The following RRAS2 variants were observed in gnomAD, a reference collection of about 807,000 sequenced individuals.
RRAS2 encodes RAS related 2.
A neutral mutation model predicts 27.6 loss-of-function variants in RRAS2; 7 were observed. That is an observed-to-expected ratio of 0.25 (90% CI 0.14 to 0.48). RRAS2 has a LOEUF of 0.48. RRAS2 is among the 20% of genes least tolerant of loss of function. RRAS2 has a pLI of 0.99. For missense variants in RRAS2, 178 were observed against 256.2 expected, an observed-to-expected ratio of 0.69 and a Z score of 2.08; for synonymous variants, 86 against 90.9, an observed-to-expected ratio of 0.95 and a Z score of 0.31.
chr11:14,360,692 C>T (rs1199956187), upstream of RRAS2, among the ~76,000 whole-genome samples: 1 of 152,250 alleles, frequency 6.6e-6, no homozygotes. Flanking sequence ...AAGGCCAAGG[C>T]GGGCGGATCG....
rs1849152134 is a variant in RRAS2 at position 14,359,136 on chromosome 11, G to A, written c.-266C>T. On this transcript the variant is annotated 5_prime_UTR_variant, in exon 1 of 6. Transcript: ENST00000256196. ...GGGGCGCGCTCCTCTACGCGTCTCC[G>A]CAGCGCCTGCCGAACGCAGCCTCCA... is the stretch of plus-strand genomic sequence containing the variant. The A allele has an allele frequency of 1.9e-6, 2 of 1,033,214 alleles. No individual in the cohort carries two copies. The highest frequency in any genetic ancestry group is 2.3e-6 in the Non-Finnish European group (2 of 861,916). 64.0% of individuals were successfully genotyped at this position (1,033,214 alleles called of 1,614,324 possible).
At chr11:14,301,225 T>C (rs577882539) in intron 1 of RRAS2, among the ~76,000 whole-genome samples, 41 of 152,364 alleles carry the variant, frequency 2.7e-4, no homozygotes, top group African/African-American at 7.7e-4. Flanking sequence ...TTGTAGGTTC[T>C]CTGGACTTTT....
chr11:14,360,396 T>A (rs1285349269), upstream of RRAS2, among the ~76,000 whole-genome samples: 1 of 151,922 alleles, frequency 6.6e-6, no homozygotes, highest in Non-Finnish European at 1.5e-5. Context: ...ATTCCTTTTT[T>A]AAAAATCTTT....
intron 1 of RRAS2, among the ~76,000 whole-genome samples, chr11:14,355,412 C>G (rs1554955314): frequency 2.0e-5 from 3 of 152,144 alleles, no homozygotes; most frequent in Non-Finnish European, 4.4e-5. Context: ...CAGAACTTTA[C>G]ACATTTTTCA....
intron 1 of RRAS2, among the ~76,000 whole-genome samples, chr11:14,302,765 TC>T (rs1554947583): frequency 2.0e-5 from 3 of 152,102 alleles, no homozygotes; most frequent in Non-Finnish European, 4.4e-5. Context: ...AGCCATCCTG[TC>T]CCTAGTCCCA....
Position 14,334,314 on chromosome 11 carries a change from C to T in RRAS2, c.108+24449G>A, listed in dbSNP as rs558908815. 1.2e-4 allele frequency among the ~76,000 whole-genome samples: 19 copies of T among 152,084 alleles called. No individual in the cohort carries two copies. The South Asian group carries it at 3.9e-3, about 32-fold the overall frequency. On this transcript the variant is annotated intron_variant, in intron 1 of 5. Transcript: ENST00000256196. ...GTTTTTTTTTCCTATTCAGTGAGGGCTAACAATTTAAAATGTTTATTGATT... is the reference window on the plus strand; with the variant it reads ...GTTTTTTTTTCCTATTCAGTGAGGGTTAACAATTTAAAATGTTTATTGATT...
chr11:14,362,174 A>G (rs1392231895), upstream of RRAS2, among the ~76,000 whole-genome samples: 1 of 152,220 alleles, frequency 6.6e-6, no homozygotes, highest in Non-Finnish European at 1.5e-5. Context: ...CTGTAAATAT[A>G]CTAAAAACAT....
In RRAS2 at chr11:14,339,733, A is replaced by C. The variant is rs185151416; in HGVS notation, c.108+19030T>G. 3.2e-4 allele frequency among the ~76,000 whole-genome samples: 48 copies of C among 152,332 alleles called. 1 individual carries two copies. In the East Asian group the frequency reaches 8.7e-3, roughly 28 times the overall value. ...TAAAAAGAATTTTTTTAAAAAGTTAAATAATTTTGCTTCTAACATTTTGAT... is the reference window on the plus strand; with the variant it reads ...TAAAAAGAATTTTTTTAAAAAGTTACATAATTTTGCTTCTAACATTTTGAT... On this transcript the variant is annotated intron_variant, in intron 1 of 5. Transcript: ENST00000256196.
intron 4 of RRAS2, among the ~76,000 whole-genome samples, chr11:14,282,126 G>C (rs2133943886): frequency 6.6e-6 from 1 of 152,332 alleles, no homozygotes; most frequent in South Asian, 2.1e-4. Context: ...GTGGGGGTGT[G>C]AAGAAGTATC....
At chr11:14,312,327 T>C (rs7945101) in intron 1 of RRAS2, among the ~76,000 whole-genome samples, 41 of 152,242 alleles carry the variant, frequency 2.7e-4, no homozygotes, top group African/African-American at 9.6e-4. Context: ...TACTATTCAT[T>C]TGACAAATAG....
chr11:14,306,060 C>A (rs1236574825), intron 1 of RRAS2, among the ~76,000 whole-genome samples: 2 of 144,912 alleles, frequency 1.4e-5, no homozygotes, highest in Non-Finnish European at 3.1e-5. Context: ...GCCGCCCCCA[C>A]CCCAACAAAA....
At chr11:14,300,308 T>C (rs985663183) in intron 1 of RRAS2, among the ~76,000 whole-genome samples, 3 of 152,192 alleles carry the variant, frequency 2.0e-5, no homozygotes, top group African/African-American at 4.8e-5. Flanking sequence ...TTCTTTAACA[T>C]TGTCAGGAGA....
At chr11:14,293,453 G>A (rs944266064) in intron 4 of RRAS2, among the ~76,000 whole-genome samples, 5 of 151,988 alleles carry the variant, frequency 3.3e-5, no homozygotes, top group African/African-American at 1.2e-4. Context: ...CATTGATATT[G>A]TTTGGCTGTG....
Position 14,358,584 on chromosome 11 carries a change from G to A in RRAS2, c.108+179C>T, listed in dbSNP as rs1554955811. 1 of 985,370 alleles carries A rather than the reference G, an allele frequency of 1.0e-6. No individual in the cohort carries two copies. The highest frequency in any genetic ancestry group is 1.2e-6 in the Non-Finnish European group (1 of 829,950). The allele number at this position is 985,370 out of a possible 1,614,324, so 61.0% of individuals were successfully genotyped here. On this transcript the variant is annotated intron_variant, in intron 1 of 5. Transcript: ENST00000256196. This position sits in a 1 kb window ranked among gnomAD's most constrained non-coding sequence, Gnocchi z 5.1. ...ACGCCGCGCCCGGGAGGAGGCAGGA[G>A]CGCGACGCTGCGGCCGCAGGGCAGG...
At chr11:14,330,662 T>A (rs201696577) in intron 1 of RRAS2, among the ~76,000 whole-genome samples, 41 of 131,978 alleles carry the variant, frequency 3.1e-4, no homozygotes, top group East Asian at 4.6e-4. Context: ...TTAAAAAAAA[T>A]TTTTTTTTCA....
intron 1 of RRAS2, among the ~76,000 whole-genome samples, chr11:14,353,693 CAA>C (rs1849014087): frequency 6.6e-6 from 1 of 151,164 alleles, no homozygotes; most frequent in African/African-American, 2.4e-5. Flanking sequence ...GAGACAGACA[CAA>C]AGAGAAAGAG....
In RRAS2 at chr11:14,293,124, AATATATATATATATATATAT is replaced by A. The variant is rs781860601; in HGVS notation, c.408+1327_408+1346del. 7.2e-3 allele frequency among the ~76,000 whole-genome samples: 556 copies of A among 76,802 alleles called. 27 individuals carry two copies. Among genetic ancestry groups the A allele is most frequent in the African/African-American group, 0.032 (517 of 16,006 alleles). 50.4% of individuals were successfully genotyped at this position (76,802 alleles called of 152,430 possible). On this transcript the variant is annotated intron_variant, in intron 4 of 5. Transcript: ENST00000256196. ...CTCCGTCTCAAAACAAAACAAAACA[AATATATATATATATATATAT>A]ATATATATATATATATATCATTTTC...
At chr11:14,350,475 G>A (rs1197427759) in intron 1 of RRAS2, among the ~76,000 whole-genome samples, 3 of 152,032 alleles carry the variant, frequency 2.0e-5, no homozygotes, top group Non-Finnish European at 2.9e-5. Flanking sequence ...GTCATGAATG[G>A]AAGCTTCCTT....
At chr11:14,344,371 T>C (rs1848785648) in intron 1 of RRAS2, among the ~76,000 whole-genome samples, 1 of 152,190 alleles carries the variant, frequency 6.6e-6, no homozygotes, top group Admixed American at 6.5e-5. Context: ...CACTCCTTCC[T>C]CAAGTAAAAT....
Sources: allele counts gnomAD v4.1 joint callset (sites outside exome capture counted in the v4.1 genomes callset), GRCh38; gene constraint gnomAD v4.1.1; non-coding constraint Gnocchi (gnomAD v3.1); transcripts MANE v1.5; gene names NCBI Gene and HGNC (gene_info 2026-07-23, HGNC 2026-07-21).